RBFOX3: variants seen among roughly 807,000 people sequenced by gnomAD.
The protein encoded by RBFOX3 is RNA binding protein fox-1 homolog 3.
Under a neutral mutation model 48.7 loss-of-function variants are expected in RBFOX3, and 17 were observed. That is an observed-to-expected ratio of 0.35 (90% CI 0.24 to 0.52). RBFOX3 has a LOEUF of 0.52. RBFOX3 is among the 20% of genes least tolerant of loss of function. The probability of loss-of-function intolerance (pLI) is 0.94; values close to 1 mark genes in which losing one functional copy is unlikely to be tolerated. For missense variants in RBFOX3, 382 were observed against 497.5 expected, an observed-to-expected ratio of 0.77 and a Z score of 2.21; for synonymous variants, 212 against 209.5, an observed-to-expected ratio of 1.01 and a Z score of -0.10.
At chr17:79,438,221 C>T (rs1283997655) in intron 2 of RBFOX3, among the ~76,000 whole-genome samples, 2 of 152,228 alleles carry the variant, frequency 1.3e-5, no homozygotes, top group Non-Finnish European at 2.9e-5. Flanking sequence ...GGCAGCTCTC[C>T]CTGCTCTGGC....
chr17:79,203,923 G>A (rs555889715), intron 4 of RBFOX3, among the ~76,000 whole-genome samples: 1 of 152,094 alleles, frequency 6.6e-6, no homozygotes, highest in Non-Finnish European at 1.5e-5. Flanking sequence ...TCCAAGCACC[G>A]TAGGAAAGAG....
Position 79,195,835 on chromosome 17 carries a change from C to T in RBFOX3, c.-34+39931G>A, listed in dbSNP as rs545268247. 8.5e-5 allele frequency among the ~76,000 whole-genome samples: 13 copies of T among 152,250 alleles called. No homozygotes were observed. Among genetic ancestry groups the T allele is most frequent in the Admixed American group, 2.0e-4 (3 of 15,286 alleles). ...AGAAAGTGTCCTAGTGGCCAGCTCC[C>T]GTGCGGCTGCACTCGCTTGCATTTG... is the stretch of plus-strand genomic sequence containing the variant. On this transcript the variant is annotated intron_variant, in intron 4 of 14. Coordinates refer to ENST00000693108, the MANE Select transcript of RBFOX3 (RefSeq NM_001350451.2). This position sits in a 1 kb window ranked among gnomAD's most constrained non-coding sequence, Gnocchi z 5.3.
At chr17:79,101,687 C>A in intron 8 of RBFOX3, 43 bp from the exon 9 acceptor site, 1 of 1,532,638 alleles carries the variant, frequency 6.5e-7, no homozygotes, top group South Asian at 1.2e-5. Flanking sequence ...GGAGGATTAG[C>A]CTCCTGGAAG....
At position 79,482,106 on chromosome 17, in the gene RBFOX3, C is replaced by T. The variant is rs2078865656; in HGVS notation, c.-175+348G>A. ...GAACACGAACCGTGCAGGGGAGGGTCAGGCCCTGACTTTGGACTCTATGGC... is the reference window on the plus strand; with the variant it reads ...GAACACGAACCGTGCAGGGGAGGGTTAGGCCCTGACTTTGGACTCTATGGC... On this transcript the variant is annotated intron_variant, in intron 2 of 14. Coordinates refer to ENST00000693108, the MANE Select transcript of RBFOX3 (RefSeq NM_001350451.2). This position sits in a 1 kb window ranked among gnomAD's most constrained non-coding sequence, Gnocchi z 4.1. Among the ~76,000 whole-genome samples, 1 of 152,148 alleles carries T rather than the reference C, an allele frequency of 6.6e-6. No individual in the cohort carries two copies. Among genetic ancestry groups the T allele is most frequent in the Non-Finnish European group, 1.5e-5 (1 of 68,030 alleles).
chr17:79,250,755 C>A (rs2148254058), intron 3 of RBFOX3, among the ~76,000 whole-genome samples: 1 of 152,180 alleles, frequency 6.6e-6, no homozygotes, highest in East Asian at 1.9e-4. Context: ...TTCTTCCTTT[C>A]TTTCCTTTTC....
intron 4 of RBFOX3, among the ~76,000 whole-genome samples, chr17:79,181,452 G>A (rs953760368): frequency 6.6e-5 from 10 of 152,236 alleles, no homozygotes; most frequent in African/African-American, 1.9e-4. Flanking sequence ...CTGTGATTCA[G>A]TGTCAACTGG....
At chr17:79,507,826 G>A (rs1202555501) in intron 1 of RBFOX3, among the ~76,000 whole-genome samples, 2 of 152,206 alleles carry the variant, frequency 1.3e-5, no homozygotes, top group Non-Finnish European at 2.9e-5. Context: ...CAATGAGGTT[G>A]CACAGAGCAG....
rs1426457922 is a variant in RBFOX3 at position 79,481,196 on chromosome 17, G to A, written c.-175+1258C>T. ...AGACCAGCCTGTGTCCGGGCCTCTG[G>A]TCTCTTTGTCCAGGGTTCTCGTCGG... On this transcript the variant is annotated intron_variant, in intron 2 of 14. Coordinates refer to ENST00000693108, the MANE Select transcript of RBFOX3 (RefSeq NM_001350451.2). This position sits in a 1 kb window ranked among gnomAD's most constrained non-coding sequence, Gnocchi z 5.4. Among the ~76,000 whole-genome samples the A allele has an allele frequency of 6.6e-6, 1 of 152,166 alleles. No individual in the cohort carries two copies. The highest frequency in any genetic ancestry group is 2.4e-5 in the African/African-American group (1 of 41,428).
the RBFOX3 span, among the ~76,000 whole-genome samples, chr17:79,630,141 G>A: frequency 6.6e-6 from 1 of 152,204 alleles, no homozygotes; most frequent in Non-Finnish European, 1.5e-5. Context: ...CAGCTCACAG[G>A]GGAAGGAAGA....
intron 1 of RBFOX3, among the ~76,000 whole-genome samples, chr17:79,515,695 G>A (rs1405726538): frequency 1.3e-5 from 2 of 152,086 alleles, no homozygotes; most frequent in Non-Finnish European, 2.9e-5. Flanking sequence ...CCTCAAGGAG[G>A]TATCTGCCCC....
intron 2 of RBFOX3, among the ~76,000 whole-genome samples, chr17:79,450,220 C>T (rs1460148751): frequency 6.6e-6 from 1 of 152,226 alleles, no homozygotes; most frequent in Non-Finnish European, 1.5e-5. Context: ...TGCCCTCCCG[C>T]CCTCCTGTAG....
intron 3 of RBFOX3, among the ~76,000 whole-genome samples, chr17:79,246,347 G>C (rs562515476): frequency 3.2e-4 from 48 of 152,352 alleles, no homozygotes; most frequent in Middle Eastern, 3.4e-3. Flanking sequence ...CCGACTGCTC[G>C]TGGACTGTGG....
At chr17:79,236,381 T>C (rs1235309681) in intron 3 of RBFOX3, among the ~76,000 whole-genome samples, 1 of 152,106 alleles carries the variant, frequency 6.6e-6, no homozygotes, top group Admixed American at 6.5e-5. Context: ...CTCCGCCTCC[T>C]GGGTTCGAGC....
intron 1 of RBFOX3, among the ~76,000 whole-genome samples, chr17:79,494,098 C>T (rs1176366719): frequency 3.9e-5 from 6 of 151,956 alleles, no homozygotes; most frequent in Non-Finnish European, 7.4e-5. Context: ...TAGCAAGACC[C>T]CATCTCATAT....
intron 3 of RBFOX3, among the ~76,000 whole-genome samples, chr17:79,282,800 G>A (rs988812842): frequency 3.3e-5 from 5 of 152,384 alleles, no homozygotes; most frequent in Admixed American, 6.5e-5. Flanking sequence ...GAGGGCAGCC[G>A]CAGGCTGGGC....
chr17:79,188,924 A>C (rs1265230354), intron 4 of RBFOX3, among the ~76,000 whole-genome samples: 1 of 152,232 alleles, frequency 6.6e-6, no homozygotes, highest in African/African-American at 2.4e-5. Flanking sequence ...GCCTAGGCTG[A>C]GCAGAGCCTG....
intron 2 of RBFOX3, among the ~76,000 whole-genome samples, chr17:79,395,596 G>A (rs543569413): frequency 5.3e-5 from 8 of 152,202 alleles, no homozygotes; most frequent in South Asian, 4.2e-4. Context: ...GACAGCTGGC[G>A]CCCGCCTGGC....
At chr17:79,404,043 G>A (rs997161455) in intron 2 of RBFOX3, among the ~76,000 whole-genome samples, 8 of 152,198 alleles carry the variant, frequency 5.3e-5, no homozygotes, top group African/African-American at 1.7e-4. Context: ...CTCCCAAAGT[G>A]CTGGGATTAC....
At chr17:79,517,439 T>A (rs2085404143) in intron 1 of RBFOX3, among the ~76,000 whole-genome samples, 1 of 117,336 alleles carries the variant, frequency 8.5e-6, no homozygotes. Context: ...AGTGAGAGTC[T>A]GTCTCAAAAA....
Sources: allele counts gnomAD v4.1 joint callset (sites outside exome capture counted in the v4.1 genomes callset), GRCh38; gene constraint gnomAD v4.1.1; non-coding constraint Gnocchi (gnomAD v3.1); transcripts MANE v1.5; gene names NCBI Gene and HGNC (gene_info 2026-07-23, HGNC 2026-07-21).